The following MARCHF4 variants were observed in gnomAD, a reference collection of about 807,000 sequenced individuals.
MARCHF4 encodes E3 ubiquitin-protein ligase MARCHF4.
A neutral mutation model predicts 43.9 loss-of-function variants in MARCHF4; 14 were observed. The ratio of observed to expected loss-of-function variants is 0.32; its 90% CI spans 0.21 to 0.50. The LOEUF (loss-of-function observed/expected upper bound fraction) is 0.50. Ranked by LOEUF, MARCHF4 falls within the 20% of genes least tolerant of loss-of-function variation. The pLI is 0.98. For missense variants in MARCHF4, 468 were observed against 536.7 expected, an observed-to-expected ratio of 0.87 and a Z score of 1.27; for synonymous variants, 226 against 213.3, an observed-to-expected ratio of 1.06 and a Z score of -0.52.
chr2:216,330,619 TG>T (rs1167663066), intron 1 of MARCHF4, among the ~76,000 whole-genome samples: 1 of 152,194 alleles, frequency 6.6e-6, no homozygotes, highest in African/African-American at 2.4e-5. Context: ...ACATATATTG[TG>T]GCAAAAACCA....
chr2:216,291,135 T>C (rs1431242816), intron 1 of MARCHF4, among the ~76,000 whole-genome samples: 1 of 151,894 alleles, frequency 6.6e-6, no homozygotes, highest in East Asian at 1.9e-4. Context: ...AGGATGCCAA[T>C]GTTTAGAGGT....
intron 1 of MARCHF4, among the ~76,000 whole-genome samples, chr2:216,340,044 C>T (rs1490796960): frequency 6.6e-6 from 1 of 152,100 alleles, no homozygotes; most frequent in African/African-American, 2.4e-5. Context: ...GAATTTCCAG[C>T]CGTTATCCGC....
chr2:216,262,931 T>C (rs1039361442), intron 3 of MARCHF4, among the ~76,000 whole-genome samples: 2 of 152,192 alleles, frequency 1.3e-5, no homozygotes, highest in African/African-American at 4.8e-5. Context: ...ACAACTACAT[T>C]AGGAAACGGA....
intron 2 of MARCHF4, among the ~76,000 whole-genome samples, chr2:216,281,659 G>C (rs1262308316): frequency 6.6e-6 from 1 of 152,158 alleles, no homozygotes; most frequent in Non-Finnish European, 1.5e-5. Flanking sequence ...ACACAAAATT[G>C]CTTCTAATCC....
intron 1 of MARCHF4, among the ~76,000 whole-genome samples, chr2:216,340,217 T>C (rs1185380032): frequency 2.0e-5 from 3 of 152,292 alleles, no homozygotes; most frequent in East Asian, 1.9e-4. Flanking sequence ...CCTGGGTGCT[T>C]GGAACCAGTC....
At chr2:216,325,915 C>G (rs1299497650) in intron 1 of MARCHF4, among the ~76,000 whole-genome samples, 3 of 147,788 alleles carry the variant, frequency 2.0e-5, no homozygotes, top group Non-Finnish European at 4.5e-5. Flanking sequence ...GACTTCATGT[C>G]TAAAACACCA....
intron 3 of MARCHF4, among the ~76,000 whole-genome samples, chr2:216,266,742 A>G (rs1031523513): frequency 1.7e-4 from 26 of 152,158 alleles, no homozygotes; most frequent in African/African-American, 5.8e-4. Context: ...CCTGGACCAA[A>G]GCACATATCA....
At chr2:216,267,767 G>A (rs903809035) in intron 3 of MARCHF4, among the ~76,000 whole-genome samples, 10 of 152,184 alleles carry the variant, frequency 6.6e-5, no homozygotes, top group Admixed American at 2.0e-4. Context: ...CCAACAGACA[G>A]GCCACTCCTG....
intron 3 of MARCHF4, among the ~76,000 whole-genome samples, chr2:216,275,845 T>C (rs1231612403): frequency 6.6e-6 from 1 of 152,112 alleles, no homozygotes; most frequent in South Asian, 2.1e-4. Flanking sequence ...CGTTTTGAGA[T>C]GCATTGCAAG....
intron 1 of MARCHF4, among the ~76,000 whole-genome samples, chr2:216,299,061 C>T (rs1410844327): frequency 6.6e-6 from 1 of 152,172 alleles, no homozygotes; most frequent in Non-Finnish European, 1.5e-5. Context: ...TCAACATCAC[C>T]ACCACTGTGA....
At chr2:216,346,426 A>G (rs186368200) in intron 1 of MARCHF4, among the ~76,000 whole-genome samples, 2 of 152,314 alleles carry the variant, frequency 1.3e-5, no homozygotes, top group South Asian at 2.1e-4. Context: ...GAGTGTCCTC[A>G]GTGTGCCAGC....
intron 1 of MARCHF4, among the ~76,000 whole-genome samples, chr2:216,307,612 G>C (rs892251905): frequency 3.3e-5 from 5 of 151,952 alleles, no homozygotes; most frequent in African/African-American, 1.2e-4. Flanking sequence ...ATAAATAAAA[G>C]GAGAGCTGTT....
intron 1 of MARCHF4, among the ~76,000 whole-genome samples, chr2:216,343,384 G>A (rs1692263226): frequency 6.6e-6 from 1 of 152,148 alleles, no homozygotes; most frequent in Non-Finnish European, 1.5e-5. Context: ...GAGAGCTTTA[G>A]TCTCTTGCTT....
At chr2:216,320,221 A>G (rs1366570951) in intron 1 of MARCHF4, among the ~76,000 whole-genome samples, 4 of 152,230 alleles carry the variant, frequency 2.6e-5, no homozygotes, top group African/African-American at 4.8e-5. Flanking sequence ...TCTGAGAAGC[A>G]AATAAGAAAG....
intron 3 of MARCHF4, among the ~76,000 whole-genome samples, chr2:216,276,286 C>G (rs114097562): frequency 5.9e-5 from 9 of 152,174 alleles, no homozygotes; most frequent in Admixed American, 5.9e-4. Flanking sequence ...CTTTTGGCAT[C>G]AATAATCCAG....
chr2:216,293,784 A>G (rs1691349894), intron 1 of MARCHF4, among the ~76,000 whole-genome samples: 1 of 136,024 alleles, frequency 7.4e-6, no homozygotes, highest in Admixed American at 7.4e-5. Flanking sequence ...ACTTAGCCTC[A>G]CAATAATTGA....
intron 1 of MARCHF4, among the ~76,000 whole-genome samples, chr2:216,348,725 C>T (rs570131425): frequency 2.2e-4 from 33 of 152,228 alleles, no homozygotes; most frequent in African/African-American, 7.7e-4. Context: ...TATGGACTTG[C>T]CCTGAATTAT....
At chr2:216,319,288 A>G (rs1237241500) in intron 1 of MARCHF4, among the ~76,000 whole-genome samples, 1 of 152,202 alleles carries the variant, frequency 6.6e-6, no homozygotes, top group Non-Finnish European at 1.5e-5. Context: ...AGCCTGGGCA[A>G]CAGAGTGAGA....
intron 1 of MARCHF4, among the ~76,000 whole-genome samples, chr2:216,307,332 C>CT (rs1490098141): frequency 2.0e-5 from 3 of 152,008 alleles, no homozygotes; most frequent in African/African-American, 7.2e-5. Context: ...AGACAGTTTC[C>CT]TTTTTTACAA....
Sources: gnomAD v4.1 joint callset for allele counts (sites outside exome capture counted in the v4.1 genomes callset) on GRCh38, gnomAD v4.1.1 for gene constraint, MANE v1.5 for transcripts, NCBI Gene and HGNC (gene_info 2026-07-23, HGNC 2026-07-21) for gene names.